Variants in PCDHA12 observed in about 807,000 individuals in gnomAD.
PCDHA12 encodes protocadherin alpha-12.
A neutral mutation model predicts 60.0 loss-of-function variants in PCDHA12; 44 were observed. The observed-to-expected ratio is 0.73, with a 90% CI of 0.58 to 0.94. The LOEUF (loss-of-function observed/expected upper bound fraction) is 0.94, where lower values mean the gene tolerates loss of function less well. Ranked by LOEUF, PCDHA12 falls within the 40% of genes least tolerant of loss-of-function variation. PCDHA12 has a pLI of 0.00. For missense variants in PCDHA12, 1,276 were observed against 1,239.7 expected (o/e 1.03, Z -0.44); for synonymous variants, 569 against 553.0 (o/e 1.03, Z -0.40).
At chr5:140,927,142 G>T (rs781883795) in intron 1 of PCDHA12, 1 of 1,614,128 alleles carries the variant, frequency 6.2e-7, no homozygotes, top group South Asian at 1.1e-5. Context: ...GGCGGACCGC[G>T]AACAGCTGTG....
chr5:140,918,032 A>G (rs528006913), intron 1 of PCDHA12, among the ~76,000 whole-genome samples: 2 of 152,224 alleles, frequency 1.3e-5, no homozygotes, highest in East Asian at 1.9e-4. Context: ...TGAGCGTGGA[A>G]GGTCTTTCCA....
rs1166002941 is a variant in PCDHA12 at position 141,000,351 on chromosome 5, G to A, written c.2516-9276G>A. ...ACAGCAAGGCCCTATCTCTCTCTCT[G>A]TCTCTCTCTGTCTCTCTCTCTCTCT... On this transcript the variant is annotated intron_variant, in intron 3 of 3. Transcript: ENST00000398631. Among the ~76,000 whole-genome samples the A allele has an allele frequency of 6.0e-5, 4 of 66,852 alleles. No homozygotes were observed. The Admixed American group carries it at 6.5e-4, about 11-fold the overall frequency. 43.9% of individuals were successfully genotyped at this position (66,852 alleles called of 152,430 possible).
Position 141,009,727 on chromosome 5 carries a change from C to T in PCDHA12, c.2616C>T (p.Pro872=), listed in dbSNP as rs781880006. The part of the protein sequence containing the change: ...YGPGNPKQSG[P]GELPDKFIIP... ...CAGGCAACCCCAAACAATCCGGTCC[C>T]GGTGAGTTGCCCGACAAATTCATTA... Residue 872 remains proline, a synonymous_variant, in exon 4 of 4, where the codon CCC becomes CCT. Coordinates refer to ENST00000398631, the MANE Select transcript of PCDHA12 (RefSeq NM_018903.4). The T allele has an allele frequency of 3.1e-6, 5 of 1,614,022 alleles. No homozygotes were observed. The highest frequency in any genetic ancestry group is 2.2e-5 in the East Asian group (1 of 44,886).
intron 1 of PCDHA12, among the ~76,000 whole-genome samples, chr5:140,953,914 T>A (rs1554221128): frequency 6.6e-6 from 1 of 152,134 alleles, no homozygotes; most frequent in South Asian, 2.1e-4. Context: ...ATCCATTAGG[T>A]ATTCTTCCTG....
chr5:141,000,417 A>ATTT (rs1563652061), intron 3 of PCDHA12, among the ~76,000 whole-genome samples: 30 of 77,716 alleles, frequency 3.9e-4, no homozygotes, highest in South Asian at 4.7e-4. Flanking sequence ...ATATATATAT[A>ATTT]TATATTTTTT....
chr5:140,952,081 A>G (rs1554220214), intron 1 of PCDHA12, among the ~76,000 whole-genome samples: 3 of 152,064 alleles, frequency 2.0e-5, no homozygotes. Flanking sequence ...CATTGACTCC[A>G]TGTCTCACAT....
chr5:140,926,915 T>A, intron 1 of PCDHA12: 1 of 1,563,726 alleles, frequency 6.4e-7, no homozygotes, highest in Non-Finnish European at 8.7e-7. Flanking sequence ...GGGGTGGCAG[T>A]TTTATGTTTG....
intron 1 of PCDHA12, chr5:140,883,464 C>G (rs1219426048): frequency 6.2e-7 from 1 of 1,614,044 alleles, no homozygotes; most frequent in African/African-American, 1.3e-5. Flanking sequence ...AAGCTGGTGT[C>G]CACCTACAAG....
intron 1 of PCDHA12, among the ~76,000 whole-genome samples, chr5:140,921,342 TA>T (rs1311011800): frequency 6.6e-6 from 1 of 152,188 alleles, no homozygotes; most frequent in African/African-American, 2.4e-5. Flanking sequence ...AATCACATAA[TA>T]TATTTGCCTA....
At chr5:140,882,385 A>G in intron 1 of PCDHA12, 1 of 1,614,234 alleles carries the variant, frequency 6.2e-7, no homozygotes, top group Non-Finnish European at 8.5e-7. Flanking sequence ...CCGAGGAAGC[A>G]AAACACGGCA....
chr5:140,904,555 C>CT (rs569725486), intron 1 of PCDHA12, among the ~76,000 whole-genome samples: 13 of 151,744 alleles, frequency 8.6e-5, no homozygotes, highest in Middle Eastern at 3.4e-3. Flanking sequence ...CATATAATGA[C>CT]TTTTTTTTCC....
At chr5:140,927,105 C>T in intron 1 of PCDHA12, 1 of 1,613,778 alleles carries the variant, frequency 6.2e-7, no homozygotes, top group Non-Finnish European at 8.5e-7. Flanking sequence ...TGGATCTACC[C>T]AGCGGCAATT....
At chr5:140,935,639 T>A (rs1377571192) in intron 1 of PCDHA12, among the ~76,000 whole-genome samples, 2 of 152,192 alleles carry the variant, frequency 1.3e-5, no homozygotes, top group African/African-American at 4.8e-5. Context: ...AGGGCTTGCT[T>A]TTTAAATTTT....
chr5:140,886,705 A>T (rs1293719338), intron 1 of PCDHA12, among the ~76,000 whole-genome samples: 3 of 152,058 alleles, frequency 2.0e-5, no homozygotes, highest in Non-Finnish European at 2.9e-5. Flanking sequence ...ACGCGCCTGT[A>T]ATCCCAGCTA....
chr5:140,876,682 T>C lies in PCDHA12; in HGVS notation c.1210T>C (p.Tyr404His), dbSNP rs782271076. The change falls in exon 1 of 4, where the codon TAC (tyrosine) becomes CAC (histidine). Residue 404 changes from tyrosine to histidine, a missense_variant. Physicochemically the swap from Tyr to His is moderately conservative, Grantham distance 83. Coordinates refer to ENST00000398631, the MANE Select transcript of PCDHA12 (RefSeq NM_018903.4). ...CAAGCTGGTGTCCACCTACAAGAAT[T>C]ACTACTCGTTGGTGCTGGACAGCGC... ...PFKLVSTYKN[Y>H]YSLVLDSALD... 5.6e-6 allele frequency: 9 copies of C among 1,614,180 alleles called. No individual in the cohort carries two copies. Among genetic ancestry groups the C allele is most frequent in the Non-Finnish European group, 4.2e-6 (5 of 1,180,020 alleles).
intron 1 of PCDHA12, among the ~76,000 whole-genome samples, chr5:140,955,373 T>C (rs2338310): frequency 0.011 from 1,717 of 152,252 alleles, 30 homozygotes; most frequent in African/African-American, 0.038. Context: ...TGGGAGGTAA[T>C]TGAATCATGG....
chr5:140,981,744 G>C (rs1586900543), intron 2 of PCDHA12, among the ~76,000 whole-genome samples: 1 of 151,900 alleles, frequency 6.6e-6, no homozygotes, highest in Admixed American at 6.6e-5. Context: ...ATTAATATGA[G>C]TTAGTATTAG....
At chr5:140,996,302 CAA>C (rs2097720989) in intron 3 of PCDHA12, among the ~76,000 whole-genome samples, 1 of 152,274 alleles carries the variant, frequency 6.6e-6, no homozygotes, top group Non-Finnish European at 1.5e-5. Flanking sequence ...CAGATTGTAA[CAA>C]AGTAAGGGGG....
Position 141,009,631 on chromosome 5 carries a change from A to G in PCDHA12, c.2520A>G (p.Pro840=). 6.2e-7 allele frequency: 1 copy of G among 1,613,068 alleles called. No individual in the cohort carries two copies. The highest frequency in any genetic ancestry group is 8.5e-7 in the Non-Finnish European group (1 of 1,179,354). The change falls in exon 4 of 4, where the codon CCA becomes CCG. Residue 840 remains proline (P), a synonymous_variant. Transcript: ENST00000398631. ...WPTVSSATPE[P]EAGEVSPPVG... is the part of the protein sequence containing the mutation. ...TTGTAATGTTTTGTCTTTCAGAACC[A>G]GAGGCAGGAGAAGTGTCCCCTCCAG...
Sources: gnomAD v4.1 joint callset for allele counts (sites outside exome capture counted in the v4.1 genomes callset) on GRCh38, gnomAD v4.1.1 for gene constraint, MANE v1.5 for transcripts, NCBI Gene and HGNC (gene_info 2026-07-23, HGNC 2026-07-21) for gene names.